Variants in LRMDA observed in about 807,000 individuals in gnomAD.
LRMDA encodes leucine-rich melanocyte differentiation-associated protein.
In LRMDA, 18 loss-of-function variants were observed where a neutral mutation model predicts 29.8. The ratio of observed to expected loss-of-function variants is 0.60; its 90% CI spans 0.42 to 0.90. The LOEUF is 0.90. Among genes scored for constraint, LRMDA ranks in the 40% least tolerant of loss-of-function variants. LRMDA has a pLI of 0.00. For synonymous variants in LRMDA, 125 were observed against 109.4 expected, an observed-to-expected ratio of 1.14 and a Z score of -0.89; for missense variants, 273 against 273.9, an observed-to-expected ratio of 1.00 and a Z score of 0.02.
At chr10:75,523,433 G>A (rs1845383781) in intron 2 of LRMDA, among the ~76,000 whole-genome samples, 1 of 152,160 alleles carries the variant, frequency 6.6e-6, no homozygotes, top group East Asian at 1.9e-4. Flanking sequence ...CTGCCCGGGG[G>A]CCTCTGTGTG....
Position 76,276,051 on chromosome 10 carries a change from A to ATCTATCTATCTATCTTTCTTTC in LRMDA, c.517-48347_517-48346insATCTATCTATCTTTCTTTCTCT, listed in dbSNP as rs1198060291. Among the ~76,000 whole-genome samples, 44 of 127,586 alleles carry ATCTATCTATCTATCTTTCTTTC rather than the reference A, an allele frequency of 3.4e-4. 1 individual carries two copies. In the East Asian group the frequency reaches 6.8e-3, roughly 20 times the overall value. The allele number at this position is 127,586 out of a possible 152,430, so 83.7% of individuals were successfully genotyped here. On this transcript the variant is annotated intron_variant, in intron 5 of 6. Transcript: ENST00000611255. ...TATCTATCTATCTATCTATCTATCT[A>ATCTATCTATCTATCTTTCTTTC]TCTCTTTCTTTCTCTCTTTCTTTCT...
chr10:76,352,351 T>C lies in LRMDA; in HGVS notation c.601+27866T>C, dbSNP rs192522334. 4.7e-4 allele frequency among the ~76,000 whole-genome samples: 72 copies of C among 152,258 alleles called. 1 individual carries two copies. Among genetic ancestry groups the C allele is most frequent in the African/African-American group, 1.4e-3 (59 of 41,558 alleles). On this transcript the variant is annotated intron_variant, in intron 6 of 6. Transcript: ENST00000611255. ...GAACAATTATAAGAATATTCCAGCA[T>C]CACTACGCTTGCACTTTGGGGCCAT...
chr10:76,062,826 G>GC (rs1848724835), intron 5 of LRMDA, among the ~76,000 whole-genome samples: 2 of 152,044 alleles, frequency 1.3e-5, no homozygotes, highest in Non-Finnish European at 2.9e-5. Flanking sequence ...CACCACACTG[G>GC]ATACAGAGAA....
chr10:76,361,679 C>T (rs1841314715), intron 6 of LRMDA, among the ~76,000 whole-genome samples: 1 of 152,100 alleles, frequency 6.6e-6, no homozygotes, highest in Admixed American at 6.5e-5. Flanking sequence ...AAGTGAAATC[C>T]TCACACTGAG....
chr10:76,281,205 C>A (rs568759721), intron 5 of LRMDA, among the ~76,000 whole-genome samples: 2 of 152,236 alleles, frequency 1.3e-5, no homozygotes, highest in South Asian at 4.2e-4. Flanking sequence ...CCAAGGAGGT[C>A]ATCTTGGAGA....
intron 6 of LRMDA, among the ~76,000 whole-genome samples, chr10:76,461,439 T>C (rs920401698): frequency 1.3e-4 from 20 of 152,208 alleles, no homozygotes; most frequent in African/African-American, 3.6e-4. Context: ...CAGCAACCTG[T>C]TGGTGCCTTT....
In LRMDA at chr10:75,898,063, A is replaced by T. The variant is rs991233191; in HGVS notation, c.132-137945A>T. Among the ~76,000 whole-genome samples, 58 of 151,910 alleles carry T rather than the reference A, an allele frequency of 3.8e-4. 2 individuals carry two copies. The highest frequency in any genetic ancestry group is 3.8e-3 in the Admixed American group (58 of 15,256). ...CTGGTCTTGAACTCCTGACCTCATG[A>T]TCCATCTGCCTTGGCCTCCCAAAGT... On this transcript the variant is annotated intron_variant, in intron 2 of 6. Coordinates refer to ENST00000611255, the MANE Select transcript of LRMDA (RefSeq NM_001305581.2).
chr10:76,203,483 GA>G (rs1414543405), intron 5 of LRMDA, among the ~76,000 whole-genome samples: 1 of 152,126 alleles, frequency 6.6e-6, no homozygotes, highest in Non-Finnish European at 1.5e-5. Context: ...CTATAATTTG[GA>G]AAAATATATA....
intron 6 of LRMDA, among the ~76,000 whole-genome samples, chr10:76,358,117 G>A (rs927628377): frequency 2.0e-5 from 3 of 152,136 alleles, no homozygotes; most frequent in African/African-American, 7.2e-5. Flanking sequence ...AATGAAAATG[G>A]TAAATGGCCT....
chr10:75,924,068 T>C (rs184826349), intron 2 of LRMDA, among the ~76,000 whole-genome samples: 7 of 152,352 alleles, frequency 4.6e-5, no homozygotes, highest in African/African-American at 1.7e-4. Flanking sequence ...GCTGACATTT[T>C]CATATGTGTC....
At chr10:75,939,987 G>A (rs1001246461) in intron 2 of LRMDA, among the ~76,000 whole-genome samples, 2 of 152,212 alleles carry the variant, frequency 1.3e-5, no homozygotes, top group Non-Finnish European at 2.9e-5. Flanking sequence ...GGCAGAGGGT[G>A]AGCAAGAGTT....
intron 2 of LRMDA, among the ~76,000 whole-genome samples, chr10:75,513,273 C>G (rs901622939): frequency 1.3e-5 from 2 of 152,154 alleles, no homozygotes; most frequent in Non-Finnish European, 2.9e-5. Context: ...TGCTTGCTGT[C>G]TCTGTCTCTG....
At chr10:75,649,118 C>T (rs558934310) in intron 2 of LRMDA, among the ~76,000 whole-genome samples, 3 of 152,290 alleles carry the variant, frequency 2.0e-5, no homozygotes, top group African/African-American at 7.2e-5. Context: ...CCATTCCTCC[C>T]TCCCCTTAGC....
intron 6 of LRMDA, among the ~76,000 whole-genome samples, chr10:76,473,844 A>G (rs78926597): frequency 0.039 from 5,959 of 151,650 alleles, 279 homozygotes; most frequent in African/African-American, 0.11. Flanking sequence ...ATACAATGAA[A>G]ATAACCTAAA....
chr10:76,313,327 G>A (rs10824394), intron 5 of LRMDA, among the ~76,000 whole-genome samples: 38,581 of 152,008 alleles, frequency 0.25, 6,165 homozygotes, highest in East Asian at 0.44. Context: ...GCTAATAAAC[G>A]TTAGCATTTT....
At chr10:76,402,510 C>T (rs985035180) in intron 6 of LRMDA, among the ~76,000 whole-genome samples, 5 of 152,182 alleles carry the variant, frequency 3.3e-5, no homozygotes, top group African/African-American at 1.2e-4. Context: ...TGTCACCACT[C>T]CTGGCTAATT....
intron 2 of LRMDA, among the ~76,000 whole-genome samples, chr10:75,582,608 G>A (rs564307488): frequency 6.6e-6 from 1 of 152,194 alleles, no homozygotes; most frequent in Non-Finnish European, 1.5e-5. Context: ...TGCCACAAAG[G>A]CCTCTGAAAT....
chr10:75,627,842 A>G (rs1049913751), intron 2 of LRMDA, among the ~76,000 whole-genome samples: 1 of 152,240 alleles, frequency 6.6e-6, no homozygotes, highest in Non-Finnish European at 1.5e-5. Flanking sequence ...TAGACTCTTC[A>G]TGTAGTAACA....
chr10:75,785,841 T>G (rs1263045481), intron 2 of LRMDA, among the ~76,000 whole-genome samples: 1 of 152,218 alleles, frequency 6.6e-6, no homozygotes, highest in Non-Finnish European at 1.5e-5. Flanking sequence ...TGCCTTCGAT[T>G]TTATCAAACA....
Sources: gnomAD v4.1 joint callset for allele counts (sites outside exome capture counted in the v4.1 genomes callset) on GRCh38, gnomAD v4.1.1 for gene constraint, MANE v1.5 for transcripts, NCBI Gene and HGNC (gene_info 2026-07-23, HGNC 2026-07-21) for gene names.